NWD2: variants seen among roughly 807,000 people sequenced by gnomAD.
NWD2 encodes the protein NACHT and WD repeat domain-containing protein 2.
A neutral mutation model predicts 132.7 loss-of-function variants in NWD2; 37 were observed. That is an observed-to-expected ratio of 0.28 (90% CI 0.21 to 0.37). The LOEUF (loss-of-function observed/expected upper bound fraction) is 0.37. Among genes scored for constraint, NWD2 ranks in the 10% least tolerant of loss-of-function variants. The probability of loss-of-function intolerance (pLI) is 1.00; values close to 1 mark genes in which losing one functional copy is unlikely to be tolerated. For synonymous variants in NWD2, 705 were observed against 803.0 expected (o/e 0.88, Z 2.06); for missense variants, 1,592 against 2,122.4 (o/e 0.75, Z 4.91).
chr4:37,410,375 C>G (rs1721131423), intron 3 of NWD2, among the ~76,000 whole-genome samples: 1 of 152,122 alleles, frequency 6.6e-6, no homozygotes, highest in South Asian at 2.1e-4. Flanking sequence ...ATAAAACACA[C>G]TTTAAACCAA....
chr4:37,337,239 A>T (rs535003261), intron 2 of NWD2, among the ~76,000 whole-genome samples: 1 of 152,274 alleles, frequency 6.6e-6, no homozygotes, highest in South Asian at 2.1e-4. Flanking sequence ...TTTATTTCGG[A>T]ATCTTAAATT....
chr4:37,292,526 C>A (rs575851573), intron 1 of NWD2, among the ~76,000 whole-genome samples: 1 of 152,092 alleles, frequency 6.6e-6, no homozygotes, highest in African/African-American at 2.4e-5. Context: ...ATAAATATCC[C>A]CACCATAAGA....
chr4:37,377,731 CAAAAA>C (rs552600054), intron 3 of NWD2, among the ~76,000 whole-genome samples: 1 of 150,470 alleles, frequency 6.6e-6, no homozygotes, highest in Admixed American at 6.6e-5. Flanking sequence ...AACTCCATCT[CAAAAA>C]AAAGAAAAGT....
chr4:37,275,032 C>T (rs1237984495), intron 1 of NWD2, among the ~76,000 whole-genome samples: 3 of 152,090 alleles, frequency 2.0e-5, no homozygotes, highest in Non-Finnish European at 4.4e-5. Context: ...GACAGGGATG[C>T]CCTCTCTCAC....
Position 37,447,228 on chromosome 4 carries a change from T to A in NWD2, c.*11T>A. 1 of 1,535,300 alleles carries A rather than the reference T, an allele frequency of 6.5e-7. No individual in the cohort carries two copies. Among genetic ancestry groups the A allele is most frequent in the Middle Eastern group, 1.7e-4 (1 of 5,914 alleles). On this transcript the variant is annotated 3_prime_UTR_variant, in exon 7 of 7. Coordinates refer to ENST00000309447, the MANE Select transcript of NWD2 (RefSeq NM_001144990.2). Reference sequence around the variant, plus strand: ...GCCCCTGATAACTGACAAAATGTTTTCCAGCTAAGCAGAAATATGTGATCC... The same window carrying A: ...GCCCCTGATAACTGACAAAATGTTTACCAGCTAAGCAGAAATATGTGATCC...
At chr4:37,283,075 C>T (rs892004899) in intron 1 of NWD2, among the ~76,000 whole-genome samples, 3 of 152,144 alleles carry the variant, frequency 2.0e-5, no homozygotes, top group Non-Finnish European at 4.4e-5. Flanking sequence ...AGGCTCTGAG[C>T]CATTAGCTGT....
At chr4:37,321,104 C>T (rs139112023) in intron 1 of NWD2, among the ~76,000 whole-genome samples, 1 of 152,070 alleles carries the variant, frequency 6.6e-6, no homozygotes, top group Non-Finnish European at 1.5e-5. Context: ...TTGCAGTGAG[C>T]CGAGATCATG....
intron 3 of NWD2, among the ~76,000 whole-genome samples, chr4:37,364,691 T>TACAC (rs57981065): frequency 0.08 from 11,727 of 146,596 alleles, 540 homozygotes; most frequent in East Asian, 0.22. Flanking sequence ...TACCTCCACT[T>TACAC]ACACACACAC....
intron 1 of NWD2, among the ~76,000 whole-genome samples, chr4:37,271,459 A>T (rs1019953354): frequency 6.6e-6 from 1 of 151,832 alleles, no homozygotes; most frequent in Non-Finnish European, 1.5e-5. Context: ...TTAAATTTTT[A>T]TGTTATTTCA....
At chr4:37,405,138 TA>T (rs1720971193) in intron 3 of NWD2, among the ~76,000 whole-genome samples, 6 of 152,208 alleles carry the variant, frequency 3.9e-5, no homozygotes, top group Non-Finnish European at 7.3e-5. Flanking sequence ...GATTTTCCTG[TA>T]GTTCAAATCA....
rs1211437340 is a variant in NWD2, at chr4:37,448,700, AT to A, written c.*1485del. On this transcript the variant is annotated 3_prime_UTR_variant, in exon 7 of 7. Coordinates refer to ENST00000309447, the MANE Select transcript of NWD2 (RefSeq NM_001144990.2). ...CTAGGCCCAGCTCTGCCATAAACTC[AT>A]TGTGTATTCCTAGACAGGTCTTTAA... The A allele has an allele frequency of 6.6e-6, 1 of 152,174 alleles. No individual in the cohort carries two copies. Among genetic ancestry groups the A allele is most frequent in the African/African-American group, 2.4e-5 (1 of 41,456 alleles). The allele number at this position is 152,174 out of a possible 1,614,324, so 9.4% of individuals were successfully genotyped here.
At chr4:37,438,775 A>G (rs1712395548) in intron 5 of NWD2, 26 bp from the exon 6 acceptor site, 1 of 1,486,268 alleles carries the variant, frequency 6.7e-7, no homozygotes, top group Non-Finnish European at 9.1e-7. Flanking sequence ...TCTAAGCAAT[A>G]AACTCCTTCT....
At chr4:37,325,268 T>C (rs1400636793) in intron 1 of NWD2, among the ~76,000 whole-genome samples, 1 of 152,188 alleles carries the variant, frequency 6.6e-6, no homozygotes, top group Non-Finnish European at 1.5e-5. Flanking sequence ...AAAATATTTT[T>C]TTATTTCAGA....
intron 3 of NWD2, among the ~76,000 whole-genome samples, chr4:37,428,683 G>A (rs187819080): frequency 1.5e-3 from 223 of 152,338 alleles, no homozygotes; most frequent in Middle Eastern, 6.8e-3. Context: ...GGCGTAAGCA[G>A]ACACTCTCAG....
chr4:37,423,489 A>G (rs1711883912), intron 3 of NWD2, among the ~76,000 whole-genome samples: 1 of 152,182 alleles, frequency 6.6e-6, no homozygotes, highest in Non-Finnish European at 1.5e-5. Context: ...TATAAATTCG[A>G]GTCCAAGTGC....
intron 2 of NWD2, among the ~76,000 whole-genome samples, chr4:37,343,514 C>T (rs973871165): frequency 1.2e-4 from 19 of 152,218 alleles, no homozygotes; most frequent in Admixed American, 1.0e-3. Context: ...AAGTACAAAG[C>T]GACAAGATTA....
chr4:37,284,538 A>G (rs1431108536), intron 1 of NWD2, among the ~76,000 whole-genome samples: 1 of 152,180 alleles, frequency 6.6e-6, no homozygotes, highest in Non-Finnish European at 1.5e-5. Flanking sequence ...TCCCCCACAG[A>G]GCCCTGGATC....
intron 3 of NWD2, among the ~76,000 whole-genome samples, chr4:37,370,438 C>T (rs1381777514): frequency 6.6e-6 from 1 of 152,130 alleles, no homozygotes; most frequent in Non-Finnish European, 1.5e-5. Flanking sequence ...CTGTACATTC[C>T]CTTAAGAGTA....
At chr4:37,382,715 G>C (rs969093366) in intron 3 of NWD2, among the ~76,000 whole-genome samples, 2 of 151,868 alleles carry the variant, frequency 1.3e-5, no homozygotes, top group Admixed American at 6.6e-5. Flanking sequence ...TATTGAGGCA[G>C]GCTCTGGCTC....
Sources: allele counts gnomAD v4.1 joint callset (sites outside exome capture counted in the v4.1 genomes callset), GRCh38; gene constraint gnomAD v4.1.1; transcripts MANE v1.5; gene names NCBI Gene and HGNC (gene_info 2026-07-23, HGNC 2026-07-21).